Variants in GFRA2 observed in about 807,000 individuals in gnomAD.
GFRA2 encodes the protein GDNF family receptor alpha 2.
Under a neutral mutation model 48.3 loss-of-function variants are expected in GFRA2, and 17 were observed. That is an observed-to-expected ratio of 0.35 (90% CI 0.24 to 0.53). GFRA2 has a LOEUF of 0.53. GFRA2 is among the 20% of genes least tolerant of loss of function. The pLI, the probability that GFRA2 is intolerant of heterozygous loss-of-function variation, is 0.93. For missense variants in GFRA2, 660 were observed against 637.3 expected (o/e 1.04, Z -0.38); for synonymous variants, 305 against 257.2 (o/e 1.19, Z -1.78).
chr8:21,811,324 C>G (rs774575192), intron 1 of GFRA2, among the ~76,000 whole-genome samples: 10 of 152,194 alleles, frequency 6.6e-5, no homozygotes, highest in Non-Finnish European at 5.9e-5. Context: ...AGTGTCTCCC[C>G]TGGGACTCTA....
At chr8:21,799,346 T>C (rs1807731532) in intron 2 of GFRA2, among the ~76,000 whole-genome samples, 1 of 151,922 alleles carries the variant, frequency 6.6e-6, no homozygotes, top group African/African-American at 2.4e-5. Flanking sequence ...GCCTCCTGAG[T>C]AGCTGGGACT....
intron 4 of GFRA2, among the ~76,000 whole-genome samples, chr8:21,744,531 C>T (rs896866084): frequency 2.1e-5 from 3 of 144,040 alleles, no homozygotes; most frequent in Non-Finnish European, 4.5e-5. Context: ...CATCCTCCCA[C>T]GACCCCCCAA....
At chr8:21,779,044 A>G (rs2117725766) in intron 2 of GFRA2, among the ~76,000 whole-genome samples, 1 of 152,186 alleles carries the variant, frequency 6.6e-6, no homozygotes, top group Non-Finnish European at 1.5e-5. Flanking sequence ...CTACTTAAAA[A>G]AAAAAAAAAG....
At chr8:21,722,669 G>C (rs1033420069) in intron 4 of GFRA2, among the ~76,000 whole-genome samples, 2 of 152,056 alleles carry the variant, frequency 1.3e-5, no homozygotes, top group Non-Finnish European at 2.9e-5. Context: ...ACCGATACAC[G>C]CGTGGCCACA....
At chr8:21,728,952 C>T (rs1214134012) in intron 4 of GFRA2, among the ~76,000 whole-genome samples, 1 of 152,204 alleles carries the variant, frequency 6.6e-6, no homozygotes, top group African/African-American at 2.4e-5. Context: ...TGTCTGGGGT[C>T]TGGACAGCAG....
chr8:21,760,317 A>T (rs1805840586), intron 3 of GFRA2, among the ~76,000 whole-genome samples: 1 of 152,260 alleles, frequency 6.6e-6, no homozygotes, highest in Non-Finnish European at 1.5e-5. Context: ...AAAGGAGACC[A>T]GTCACAGGCT....
In GFRA2 at chr8:21,750,069, A is replaced by G. The variant is rs572576520; in HGVS notation, c.794+519T>C. ...TATATGTAAGTATATATATGTGTAT[A>G]TATGTGTGTGTGTGTGTATACACAC... is the stretch of plus-strand genomic sequence containing the variant. On this transcript the variant is annotated intron_variant, in intron 4 of 8. Coordinates refer to ENST00000524240, the MANE Select transcript of GFRA2 (RefSeq NM_001495.5). This position sits in a 1 kb window ranked among gnomAD's most constrained non-coding sequence, Gnocchi z 5.7. Among the ~76,000 whole-genome samples the G allele has an allele frequency of 7.1e-6, 1 of 140,700 alleles. No individual in the cohort carries two copies. The highest frequency in any genetic ancestry group is 2.2e-4 in the South Asian group (1 of 4,484). 92.3% of individuals were successfully genotyped at this position (140,700 alleles called of 152,430 possible). A position where few individuals can be genotyped will look rare whatever the true frequency, so the allele number is the denominator to read the frequency against.
intron 4 of GFRA2, among the ~76,000 whole-genome samples, chr8:21,718,688 C>A (rs191976392): frequency 6.6e-6 from 1 of 152,264 alleles, no homozygotes; most frequent in East Asian, 1.9e-4. Flanking sequence ...CATAGGGCCA[C>A]GCAACAAGGG....
chr8:21,713,992 G>A (rs540435862), intron 4 of GFRA2, among the ~76,000 whole-genome samples: 19 of 152,246 alleles, frequency 1.2e-4, no homozygotes, highest in East Asian at 9.7e-4. Flanking sequence ...AAGAGTGCAC[G>A]TGTTTGTGTA....
chr8:21,706,218 GCTTCTTGAGGACAGAGA>G, intron 4 of GFRA2, among the ~76,000 whole-genome samples, 177 bp from the exon 5 acceptor site: 1 of 152,190 alleles, frequency 6.6e-6, no homozygotes, highest in Non-Finnish European at 1.5e-5. Flanking sequence ...CAATCTGTGA[GCTTCTTGAGGACAGAGA>G]CTTCCCGGAG....
chr8:21,808,437 T>C (rs1365301250), intron 1 of GFRA2, among the ~76,000 whole-genome samples: 2 of 152,250 alleles, frequency 1.3e-5, no homozygotes, highest in African/African-American at 4.8e-5. Flanking sequence ...GATGTCCATC[T>C]TATGGACAGG....
intron 7 of GFRA2, among the ~76,000 whole-genome samples, chr8:21,700,129 C>T (rs1802399589): frequency 6.6e-6 from 1 of 152,172 alleles, no homozygotes; most frequent in South Asian, 2.1e-4. Context: ...CGGCCAAGTG[C>T]AGACCAGCAG....
At chr8:21,775,705 GCTGATCCC>G (rs1163014020) in intron 2 of GFRA2, among the ~76,000 whole-genome samples, 1 of 152,186 alleles carries the variant, frequency 6.6e-6, no homozygotes, top group Non-Finnish European at 1.5e-5. Flanking sequence ...CAGTGGGTGG[GCTGATCCC>G]CAGCTTCCAT....
chr8:21,721,980 C>T (rs1005423706), intron 4 of GFRA2, among the ~76,000 whole-genome samples: 1 of 152,182 alleles, frequency 6.6e-6, no homozygotes, highest in Non-Finnish European at 1.5e-5. Flanking sequence ...GCAGCTATGC[C>T]ACCACTAGGA....
rs554110523 is a variant in GFRA2 at position 21,750,399 on chromosome 8, G to A, written c.794+189C>T. ...GAATGAATAAAGAAGTAGATGGATG[G>A]ATGAATGGATGAATGAAATGGAAAA... On this transcript the variant is annotated intron_variant, in intron 4 of 8. Coordinates refer to ENST00000524240, the MANE Select transcript of GFRA2 (RefSeq NM_001495.5). This position sits in a 1 kb window ranked among gnomAD's most constrained non-coding sequence, Gnocchi z 5.7. Among the ~76,000 whole-genome samples, 97 of 152,356 alleles carry A rather than the reference G, an allele frequency of 6.4e-4. No individual in the cohort carries two copies. Among genetic ancestry groups the A allele is most frequent in the Non-Finnish European group, 1.1e-3 (78 of 68,028 alleles).
chr8:21,744,332 G>A (rs959988152), intron 4 of GFRA2, among the ~76,000 whole-genome samples: 2 of 152,174 alleles, frequency 1.3e-5, no homozygotes, highest in African/African-American at 4.8e-5. Flanking sequence ...AGGTTGCCAG[G>A]GTAGCTCCAG....
chr8:21,756,241 C>A (rs1805563996), intron 3 of GFRA2, among the ~76,000 whole-genome samples: 1 of 152,202 alleles, frequency 6.6e-6, no homozygotes, highest in African/African-American at 2.4e-5. Context: ...ATAGTGAAAG[C>A]TTTTGCTAGG....
chr8:21,702,931 G>A lies in GFRA2; in HGVS notation c.1092C>T (p.Ser364=), dbSNP rs1181932224. 6.3e-7 allele frequency: 1 copy of A among 1,577,918 alleles called. No individual in the cohort carries two copies. Among genetic ancestry groups the A allele is most frequent in the Non-Finnish European group, 8.6e-7 (1 of 1,165,292 alleles). The part of the protein sequence containing the change: ...AFGNGTDVNV[S]PKGPSFQATQ... ...TGGCCTGGAACGAGGGGCCTTTTGG[G>A]GACACGTTCACGTCCGTGCCGTTGC... Residue 364 remains serine (S), a synonymous_variant, in exon 7 of 9, where the codon TCC becomes TCT. Transcript: ENST00000524240.
At chr8:21,800,786 C>T (rs1394789187) in intron 2 of GFRA2, among the ~76,000 whole-genome samples, 2 of 152,058 alleles carry the variant, frequency 1.3e-5, no homozygotes, top group Admixed American at 6.6e-5. Flanking sequence ...ATTAGCCAGG[C>T]GTGGTGTTGT....
Sources: gnomAD v4.1 joint callset for allele counts (sites outside exome capture counted in the v4.1 genomes callset) on GRCh38, gnomAD v4.1.1 for gene constraint, Gnocchi (gnomAD v3.1) non-coding constraint, MANE v1.5 for transcripts, NCBI Gene and HGNC (gene_info 2026-07-23, HGNC 2026-07-21) for gene names.